The following FYB1 variants were observed in gnomAD, a reference collection of about 807,000 sequenced individuals.
FYB1 encodes the protein FYN-binding protein 1.
In FYB1, 41 loss-of-function variants were observed where a neutral mutation model predicts 94.1. The ratio of observed to expected loss-of-function variants is 0.44; its 90% CI spans 0.34 to 0.57. The LOEUF (loss-of-function observed/expected upper bound fraction) is 0.57. Among genes scored for constraint, FYB1 ranks in the 20% least tolerant of loss-of-function variants. The pLI is 0.02. For missense variants in FYB1, 1,050 were observed against 976.8 expected (o/e 1.07, Z -1.00); for synonymous variants, 367 against 353.2 (o/e 1.04, Z -0.44).
chr5:39,167,083 A>G (rs1201971594), intron 2 of FYB1, among the ~76,000 whole-genome samples: 2 of 152,184 alleles, frequency 1.3e-5, no homozygotes, highest in Non-Finnish European at 2.9e-5. Flanking sequence ...TTTTGCCATT[A>G]CTTTTGGTAA....
Position 39,128,070 on chromosome 5 carries a change from TTAAA to T in FYB1, c.1841-267_1841-264del, listed in dbSNP as rs148521684. Among the ~76,000 whole-genome samples, 1,301 of 152,168 alleles carry T rather than the reference TTAAA, an allele frequency of 8.5e-3. 19 individuals are homozygous for T. The highest frequency in any genetic ancestry group is 0.03 in the African/African-American group (1,230 of 41,536). ...TGCAAAAACATGAGAAAAAGTAAAC[TTAAA>T]TAGGGCATGGAGTTAAATATTTATT... is the stretch of plus-strand genomic sequence containing the variant. On this transcript the variant is annotated intron_variant, in intron 10 of 18. Transcript: ENST00000512982.
chr5:39,165,418 G>T (rs1216809092), intron 2 of FYB1, among the ~76,000 whole-genome samples: 1 of 151,150 alleles, frequency 6.6e-6, no homozygotes, highest in African/African-American at 2.5e-5. Context: ...AAATGGTGCT[G>T]GGAAAATTTG....
chr5:39,253,769 G>T (rs1393823945), intron 1 of FYB1, among the ~76,000 whole-genome samples: 1 of 152,112 alleles, frequency 6.6e-6, no homozygotes, highest in Non-Finnish European at 1.5e-5. Context: ...AGGGTTTGTT[G>T]AACAGATTAT....
intron 1 of FYB1, among the ~76,000 whole-genome samples, chr5:39,262,060 T>G (rs1453204669): frequency 1.3e-5 from 2 of 152,144 alleles, no homozygotes; most frequent in Admixed American, 1.3e-4. Context: ...AAGGAAAAAT[T>G]AGAAAAATGA....
chr5:39,231,162 CAAAAA>C (rs368893259), intron 1 of FYB1, among the ~76,000 whole-genome samples: 1 of 134,582 alleles, frequency 7.4e-6, no homozygotes, highest in African/African-American at 3.0e-5. Context: ...AAAAAAAAAA[CAAAAA>C]AAAACAAAAA....
At chr5:39,115,212 C>T (rs1447740285) in intron 16 of FYB1, among the ~76,000 whole-genome samples, 1 of 151,874 alleles carries the variant, frequency 6.6e-6, no homozygotes. Context: ...TCTCCTGCCT[C>T]AGCCTCTCTA....
At chr5:39,205,823 T>G (rs1748798483) in intron 1 of FYB1, among the ~76,000 whole-genome samples, 1 of 152,222 alleles carries the variant, frequency 6.6e-6, no homozygotes, top group Non-Finnish European at 1.5e-5. Context: ...TTATCCTCTC[T>G]GAGGCTCAGT....
intron 1 of FYB1, among the ~76,000 whole-genome samples, chr5:39,266,560 A>T (rs1467052414): frequency 6.6e-6 from 1 of 152,206 alleles, no homozygotes; most frequent in East Asian, 1.9e-4. Flanking sequence ...GAATTTCCTT[A>T]TAACCACTTG....
At chr5:39,214,222 T>A (rs1749666810) in intron 1 of FYB1, among the ~76,000 whole-genome samples, 2 of 152,184 alleles carry the variant, frequency 1.3e-5, no homozygotes, top group Admixed American at 1.3e-4. Context: ...GGCTATAATT[T>A]AAAAAAAGCA....
intron 2 of FYB1, among the ~76,000 whole-genome samples, chr5:39,158,402 A>G (rs1743948249): frequency 6.6e-6 from 1 of 152,196 alleles, no homozygotes; most frequent in East Asian, 1.9e-4. Flanking sequence ...ACTGAAATGC[A>G]GGCTACCCAA....
At chr5:39,193,752 G>A (rs1469131096) in intron 2 of FYB1, among the ~76,000 whole-genome samples, 1 of 152,214 alleles carries the variant, frequency 6.6e-6, no homozygotes, top group Non-Finnish European at 1.5e-5. Context: ...AGCTGCCAGG[G>A]CTGGCCCTGC....
At chr5:39,240,430 A>C (rs1243424280) in intron 1 of FYB1, among the ~76,000 whole-genome samples, 1 of 152,216 alleles carries the variant, frequency 6.6e-6, no homozygotes, top group Non-Finnish European at 1.5e-5. Context: ...TGCACCTGAC[A>C]AAGGTCTAAC....
intron 1 of FYB1, chr5:39,270,475 G>C (rs1752627074): frequency 8.2e-7 from 1 of 1,215,574 alleles, no homozygotes; most frequent in Non-Finnish European, 1.1e-6. Context: ...CAGAGGACCT[G>C]ACTGTGAAGC....
At chr5:39,208,928 T>C (rs1561269346) in intron 1 of FYB1, 1 of 152,158 alleles carries the variant, frequency 6.6e-6, no homozygotes, top group Admixed American at 6.5e-5. Flanking sequence ...CAAATTTTTA[T>C]AGAGCAATAG....
intron 1 of FYB1, among the ~76,000 whole-genome samples, chr5:39,262,619 C>T (rs908001692): frequency 2.0e-5 from 3 of 152,114 alleles, no homozygotes; most frequent in Non-Finnish European, 2.9e-5. Flanking sequence ...TTCTCATACC[C>T]TCTATGCCAA....
At chr5:39,164,555 G>A (rs980329248) in intron 2 of FYB1, among the ~76,000 whole-genome samples, 2 of 152,092 alleles carry the variant, frequency 1.3e-5, no homozygotes, top group African/African-American at 4.8e-5. Flanking sequence ...CTCCTGAGTA[G>A]CTGGGATTAT....
chr5:39,167,946 AAAG>A (rs1416356927), intron 2 of FYB1, among the ~76,000 whole-genome samples: 1 of 99,610 alleles, frequency 1.0e-5, no homozygotes, highest in African/African-American at 2.6e-5. Flanking sequence ...ACTCCACAAT[AAAG>A]TTATGACAAT....
chr5:39,171,859 C>T (rs1056347137), intron 2 of FYB1, among the ~76,000 whole-genome samples: 56 of 152,192 alleles, frequency 3.7e-4, no homozygotes, highest in African/African-American at 1.2e-3. Flanking sequence ...AGTAAGAGAA[C>T]CTGGGGATTG....
At position 39,201,278 on chromosome 5, in the gene FYB1, T is replaced by C. The variant is rs112160851; in HGVS notation, c.1135+548A>G. 1.4e-3 allele frequency among the ~76,000 whole-genome samples: 211 copies of C among 152,326 alleles called. 1 individual carries two copies. Among genetic ancestry groups the C allele is most frequent in the African/African-American group, 4.8e-3 (199 of 41,566 alleles). ...ACATTATGGCCTGAATAATTCTTTGTTGTGGGACTGTCCTGGCCATTGTAG... is the reference window on the plus strand; with the variant it reads ...ACATTATGGCCTGAATAATTCTTTGCTGTGGGACTGTCCTGGCCATTGTAG... On this transcript the variant is annotated intron_variant, in intron 2 of 18. Coordinates refer to ENST00000512982, the MANE Select transcript of FYB1 (RefSeq NM_001465.6).
Sources: gnomAD v4.1 joint callset for allele counts (sites outside exome capture counted in the v4.1 genomes callset) on GRCh38, gnomAD v4.1.1 for gene constraint, MANE v1.5 for transcripts, NCBI Gene and HGNC (gene_info 2026-07-23, HGNC 2026-07-21) for gene names.